Variants in SOX6 observed in about 807,000 individuals in gnomAD.
The protein encoded by SOX6 is transcription factor SOX-6.
SOX6 carries 11 observed loss-of-function variants against 97.8 expected under a neutral mutation model. That is an observed-to-expected ratio of 0.11 (90% confidence interval 0.07 to 0.19). SOX6 has a LOEUF of 0.19. Among genes scored for constraint, SOX6 ranks in the 10% least tolerant of loss-of-function variants. The pLI, the probability that SOX6 is intolerant of heterozygous loss-of-function variation, is 1.00. For synonymous variants in SOX6, 360 were observed against 371.4 expected, an observed-to-expected ratio of 0.97 and a Z score of 0.35; for missense variants, 810 against 1,039.5, an observed-to-expected ratio of 0.78 and a Z score of 3.04.
intron 4 of SOX6, among the ~76,000 whole-genome samples, chr11:16,493,984 T>A (rs1170057420): frequency 6.6e-6 from 1 of 152,220 alleles, no homozygotes; most frequent in Non-Finnish European, 1.5e-5. Flanking sequence ...ATATTGTTAG[T>A]AACACCAAAA....
At chr11:16,669,465 C>G (rs1847831509) in intron 3 of SOX6, among the ~76,000 whole-genome samples, 1 of 152,168 alleles carries the variant, frequency 6.6e-6, no homozygotes, top group Admixed American at 6.5e-5. Context: ...TGCAGCAGCC[C>G]TACAGAAAAG....
At chr11:16,472,475 CA>C (rs954476893) in intron 1 of SOX6, among the ~76,000 whole-genome samples, 8 of 152,178 alleles carry the variant, frequency 5.3e-5, no homozygotes, top group Non-Finnish European at 1.0e-4. Flanking sequence ...TCCTAATCCT[CA>C]CCACAATACC....
intron 4 of SOX6, among the ~76,000 whole-genome samples, chr11:16,548,871 A>T (rs536719792): frequency 1.4e-4 from 22 of 152,084 alleles, no homozygotes; most frequent in Non-Finnish European, 2.8e-4. Context: ...TTTGTATGTG[A>T]GGTAATTTGA....
chr11:16,291,187 T>C (rs991693719), intron 3 of SOX6, among the ~76,000 whole-genome samples: 1 of 150,744 alleles, frequency 6.6e-6, no homozygotes, highest in African/African-American at 2.4e-5. Flanking sequence ...AATAGTTTTT[T>C]CAGCAGGCAA....
intron 15 of SOX6, 63 bp from the exon 16 acceptor site, chr11:15,973,175 G>A: frequency 1.3e-6 from 2 of 1,519,944 alleles, no homozygotes; most frequent in Non-Finnish European, 1.8e-6. Context: ...GCTATGTACA[G>A]CATTGGAATT....
intron 4 of SOX6, among the ~76,000 whole-genome samples, chr11:16,577,387 T>A (rs1589992512): frequency 6.6e-6 from 1 of 152,246 alleles, no homozygotes; most frequent in East Asian, 1.9e-4. Flanking sequence ...CAAAGCCTTC[T>A]TTGTCCTATG....
intron 15 of SOX6, among the ~76,000 whole-genome samples, chr11:15,982,464 T>A (rs1248056102): frequency 6.6e-6 from 1 of 152,060 alleles, no homozygotes. Context: ...TAGTTTTACA[T>A]CTGTATCATG....
intron 13 of SOX6, among the ~76,000 whole-genome samples, chr11:15,999,250 CAACTCTAATATACTGT>C (rs1342649968): frequency 3.9e-5 from 6 of 152,096 alleles, no homozygotes; most frequent in African/African-American, 1.4e-4. Flanking sequence ...GGATAAGGAG[CAACTCTAATATACTGT>C]AACTCTAATA....
intron 4 of SOX6, among the ~76,000 whole-genome samples, chr11:16,505,971 T>C (rs1186513684): frequency 6.6e-6 from 1 of 152,100 alleles, no homozygotes; most frequent in Non-Finnish European, 1.5e-5. Flanking sequence ...ATGCTGCAGG[T>C]TCAGAGCATT....
chr11:16,418,249 C>T (rs1353934872), intron 1 of SOX6, among the ~76,000 whole-genome samples: 6 of 152,070 alleles, frequency 3.9e-5, no homozygotes, highest in East Asian at 1.9e-4. Flanking sequence ...TTTTGAAATT[C>T]GTAAAATAAC....
At chr11:16,522,270 A>C (rs1315858746) in intron 4 of SOX6, among the ~76,000 whole-genome samples, 2 of 152,222 alleles carry the variant, frequency 1.3e-5, no homozygotes, top group African/African-American at 4.8e-5. Flanking sequence ...CATCAGACTA[A>C]CAGCGGATCT....
At chr11:16,512,795 AC>A (rs1227625395) in intron 4 of SOX6, among the ~76,000 whole-genome samples, 1 of 152,206 alleles carries the variant, frequency 6.6e-6, no homozygotes, top group Non-Finnish European at 1.5e-5. Flanking sequence ...AATGTAAAAA[AC>A]TCAAGTAAAT....
intron 4 of SOX6, among the ~76,000 whole-genome samples, chr11:16,583,627 A>ATATATATATATATATGTG (rs1391012324): frequency 7.2e-6 from 1 of 139,414 alleles, no homozygotes; most frequent in Admixed American, 7.3e-5. Flanking sequence ...ATATATATAT[A>ATATATATATATATATGTG]TATATATATA....
At chr11:16,643,990 T>C (rs1247500636) in intron 3 of SOX6, among the ~76,000 whole-genome samples, 1 of 152,248 alleles carries the variant, frequency 6.6e-6, no homozygotes, top group Non-Finnish European at 1.5e-5. Context: ...ATCATCCATC[T>C]TCTGCATCGC....
intron 3 of SOX6, among the ~76,000 whole-genome samples, chr11:16,647,937 G>C (rs528315372): frequency 2.6e-5 from 4 of 152,260 alleles, no homozygotes; most frequent in South Asian, 4.1e-4. Flanking sequence ...GTGGAATTGT[G>C]GGGGAGGGGC....
intron 4 of SOX6, among the ~76,000 whole-genome samples, chr11:16,601,467 T>C (rs1848268899): frequency 6.6e-6 from 1 of 152,168 alleles, no homozygotes; most frequent in South Asian, 2.1e-4. Flanking sequence ...AAAATTTTTG[T>C]TGTACTATTC....
intron 2 of SOX6, among the ~76,000 whole-genome samples, chr11:16,337,316 A>T (rs1392425380): frequency 1.3e-5 from 2 of 152,178 alleles, no homozygotes; most frequent in African/African-American, 4.8e-5. Context: ...ATCTGCAGAC[A>T]AGATCACCAA....
intron 2 of SOX6, among the ~76,000 whole-genome samples, chr11:16,332,726 A>G (rs939903089): frequency 1.3e-5 from 2 of 152,192 alleles, no homozygotes; most frequent in Non-Finnish European, 2.9e-5. Flanking sequence ...TATTGAACTC[A>G]ATTTGCATCA....
At chr11:16,140,590 A>T (rs1356392311) in intron 6 of SOX6, among the ~76,000 whole-genome samples, 1 of 152,210 alleles carries the variant, frequency 6.6e-6, no homozygotes, top group Non-Finnish European at 1.5e-5. Context: ...AGTGTCTGGC[A>T]GATAAGACCA....
Sources: allele counts gnomAD v4.1 joint callset (sites outside exome capture counted in the v4.1 genomes callset), GRCh38; gene constraint gnomAD v4.1.1; transcripts MANE v1.5; gene names NCBI Gene and HGNC (gene_info 2026-07-23, HGNC 2026-07-21).